The following IL1RAPL1 variants were observed in gnomAD, a reference collection of about 807,000 sequenced individuals.
IL1RAPL1 encodes the protein interleukin 1 receptor accessory protein like 1.
Under a neutral mutation model 48.4 loss-of-function variants are expected in IL1RAPL1, and 3 were observed. The ratio of observed to expected loss-of-function variants is 0.06; its 90% CI spans 0.03 to 0.16. The LOEUF (loss-of-function observed/expected upper bound fraction) is 0.16, where lower values mean the gene tolerates loss of function less well. Ranked by LOEUF, IL1RAPL1 falls within the 10% of genes least tolerant of loss-of-function variation. The probability of loss-of-function intolerance (pLI) is 1.00; values close to 1 mark genes in which losing one functional copy is unlikely to be tolerated. For synonymous variants in IL1RAPL1, 185 were observed against 187.7 expected (o/e 0.99, Z 0.12); for missense variants, 349 against 530.6 (o/e 0.66, Z 3.36).
intron 4 of IL1RAPL1, among the ~76,000 whole-genome samples, chrX:29,396,995 C>T (rs970875369): frequency 8.9e-6 from 1 of 111,942 alleles, no homozygotes; most frequent in African/African-American, 3.2e-5. Context: ...TCTTCCAAAA[C>T]CAGTTGAAAC....
At chrX:29,063,415 CT>C (rs1927384197) in intron 2 of IL1RAPL1, among the ~76,000 whole-genome samples, 1 of 111,502 alleles carries the variant, frequency 9.0e-6, no homozygotes, top group South Asian at 3.7e-4. Flanking sequence ...TCTCTCAACA[CT>C]TCTGCTTTTC....
chrX:29,850,331 C>T (rs1046343660), intron 6 of IL1RAPL1, among the ~76,000 whole-genome samples: 3 of 112,050 alleles, frequency 2.7e-5, no homozygotes, highest in African/African-American at 9.7e-5. Flanking sequence ...CAGATTTTCT[C>T]AAGGACCTCT....
chrX:28,841,599 T>C (rs73631610), intron 2 of IL1RAPL1, among the ~76,000 whole-genome samples: 2,742 of 111,005 alleles, frequency 0.025, 79 homozygotes, highest in African/African-American at 0.084. Flanking sequence ...AAATTGATAA[T>C]CATCATATAA....
intron 6 of IL1RAPL1, among the ~76,000 whole-genome samples, chrX:29,916,219 T>G (rs1932799977): frequency 9.4e-6 from 1 of 106,894 alleles, no homozygotes; most frequent in Admixed American, 1.0e-4. Context: ...TACGTGTGCA[T>G]GTGTCTTTAT....
chrX:29,473,580 C>G (rs1482777775), intron 5 of IL1RAPL1, among the ~76,000 whole-genome samples: 2 of 106,900 alleles, frequency 1.9e-5, no homozygotes, highest in Non-Finnish European at 3.9e-5. Flanking sequence ...TTAATTCCAT[C>G]TCACTGCCCC....
chrX:28,656,506 T>C (rs1934748519), intron 1 of IL1RAPL1, among the ~76,000 whole-genome samples: 1 of 111,229 alleles, frequency 9.0e-6, no homozygotes, highest in Non-Finnish European at 1.9e-5. Flanking sequence ...GCTTTCTTTC[T>C]GTCCCCATCC....
chrX:29,682,269 C>A (rs1926476120), intron 6 of IL1RAPL1, among the ~76,000 whole-genome samples: 1 of 111,188 alleles, frequency 9.0e-6, no homozygotes, highest in Non-Finnish European at 1.9e-5. Flanking sequence ...TCTTCACAGT[C>A]TGACCCCATT....
At chrX:28,790,112 CTAA>C in intron 2 of IL1RAPL1, among the ~76,000 whole-genome samples, 1 of 111,964 alleles carries the variant, frequency 8.9e-6, no homozygotes, top group East Asian at 2.8e-4. Context: ...TAGTAAGTCA[CTAA>C]TAATATAAAG....
At chrX:29,363,498 A>G (rs1933404213) in intron 3 of IL1RAPL1, among the ~76,000 whole-genome samples, 1 of 111,833 alleles carries the variant, frequency 8.9e-6, no homozygotes, top group Non-Finnish European at 1.9e-5. Flanking sequence ...CCCAGAATTC[A>G]AAATTTAGAA....
intron 6 of IL1RAPL1, among the ~76,000 whole-genome samples, chrX:29,912,451 C>T (rs990698243): frequency 3.6e-5 from 4 of 111,736 alleles, no homozygotes; most frequent in Non-Finnish European, 7.5e-5. Flanking sequence ...TAATTTCTGC[C>T]TTTGGGGAAT....
At chrX:29,375,172 T>TTC (rs1178926346) in intron 3 of IL1RAPL1, among the ~76,000 whole-genome samples, 13 of 94,128 alleles carry the variant, frequency 1.4e-4, no homozygotes, top group African/African-American at 5.1e-4. Context: ...TTTTTTTTTT[T>TTC]TTTTTTGAGA....
chrX:29,452,012 A>T (rs1292948609), intron 5 of IL1RAPL1, among the ~76,000 whole-genome samples: 1 of 111,487 alleles, frequency 9.0e-6, no homozygotes, highest in East Asian at 2.8e-4. Flanking sequence ...TCGTGGAAAA[A>T]GTTATTCAGT....
intron 2 of IL1RAPL1, among the ~76,000 whole-genome samples, chrX:28,965,600 T>C (rs886709829): frequency 4.5e-5 from 5 of 111,806 alleles, no homozygotes; most frequent in Non-Finnish European, 9.4e-5. Flanking sequence ...TGCACTTGAT[T>C]TTATTTTAAA....
chrX:29,440,072 G>A (rs1934530837), intron 5 of IL1RAPL1, among the ~76,000 whole-genome samples: 1 of 107,197 alleles, frequency 9.3e-6, no homozygotes, highest in Non-Finnish European at 1.9e-5. Context: ...GGAAATATTC[G>A]AAAGACTTTT....
At chrX:29,084,851 C>T (rs900741240) in intron 2 of IL1RAPL1, among the ~76,000 whole-genome samples, 1 of 111,975 alleles carries the variant, frequency 8.9e-6, no homozygotes, top group Non-Finnish European at 1.9e-5. Flanking sequence ...GCCACCATAC[C>T]TGGCTAATTT....
Position 28,624,769 on chromosome X carries a change from G to A in IL1RAPL1, c.-25+36722G>A, listed in dbSNP as rs181549705. 8.6e-3 allele frequency among the ~76,000 whole-genome samples: 963 copies of A among 111,979 alleles called. 1 individual carries two copies. Among genetic ancestry groups the A allele is most frequent in the Middle Eastern group, 0.014 (3 of 216 alleles). ...TTTGTTATCCTTTTAGCTGTTTTGTGTATGTTGATTTCCCCTGTAATTCCT... is the reference window on the plus strand; with the variant it reads ...TTTGTTATCCTTTTAGCTGTTTTGTATATGTTGATTTCCCCTGTAATTCCT... On this transcript the variant is annotated intron_variant, in intron 1 of 10. Coordinates refer to ENST00000378993, the MANE Select transcript of IL1RAPL1 (RefSeq NM_014271.4).
intron 2 of IL1RAPL1, among the ~76,000 whole-genome samples, chrX:28,848,619 C>T (rs1921574870): frequency 9.0e-6 from 1 of 111,365 alleles, no homozygotes; most frequent in South Asian, 3.7e-4. Flanking sequence ...TTTAGCTACT[C>T]GGCAATATTG....
intron 6 of IL1RAPL1, among the ~76,000 whole-genome samples, chrX:29,741,493 G>C (rs1347119460): frequency 9.0e-6 from 1 of 111,191 alleles, no homozygotes; most frequent in African/African-American, 3.3e-5. Flanking sequence ...TTTCCCTTCA[G>C]CTATTACGAG....
intron 6 of IL1RAPL1, among the ~76,000 whole-genome samples, chrX:29,801,976 A>T (rs1169455217): frequency 1.8e-5 from 2 of 112,201 alleles, no homozygotes; most frequent in Non-Finnish European, 3.7e-5. Context: ...TTATTGATAT[A>T]ATGAATTGAA....
Sources: allele counts gnomAD v4.1 joint callset (sites outside exome capture counted in the v4.1 genomes callset), GRCh38; gene constraint gnomAD v4.1.1; transcripts MANE v1.5; gene names NCBI Gene and HGNC (gene_info 2026-07-23, HGNC 2026-07-21).